ZMYND8: variants seen among roughly 807,000 people sequenced by gnomAD.
ZMYND8 encodes MYND-type zinc finger-containing chromatin reader ZMYND8.
Under a neutral mutation model 140.8 loss-of-function variants are expected in ZMYND8, and 37 were observed. The observed-to-expected ratio is 0.26, with a 90% CI of 0.20 to 0.35. ZMYND8 has a LOEUF of 0.35. Among genes scored for constraint, ZMYND8 ranks in the 10% least tolerant of loss-of-function variants. The probability of loss-of-function intolerance (pLI) is 1.00; values close to 1 mark genes in which losing one functional copy is unlikely to be tolerated. For missense variants in ZMYND8, 1,068 were observed against 1,570.0 expected (o/e 0.68, Z 5.40); for synonymous variants, 592 against 597.1 (o/e 0.99, Z 0.12).
At chr20:47,263,295 A>C (rs943507154) in intron 11 of ZMYND8, among the ~76,000 whole-genome samples, 1 of 152,110 alleles carries the variant, frequency 6.6e-6, no homozygotes, top group African/African-American at 2.4e-5. Flanking sequence ...CAACAATGAC[A>C]GCCAACTCTT....
chr20:47,285,454 T>G (rs1172007674), intron 8 of ZMYND8, among the ~76,000 whole-genome samples: 1 of 152,208 alleles, frequency 6.6e-6, no homozygotes, highest in East Asian at 1.9e-4. Context: ...AAACAGCCTG[T>G]ATGACTTTCT....
chr20:47,218,982 AGAGGCG>A (rs943916669), intron 21 of ZMYND8, among the ~76,000 whole-genome samples: 5 of 151,616 alleles, frequency 3.3e-5, no homozygotes, highest in Non-Finnish European at 7.4e-5. Flanking sequence ...TTCCGGAGGC[AGAGGCG>A]GGAGGATCAC....
intron 2 of ZMYND8, among the ~76,000 whole-genome samples, chr20:47,344,400 T>A (rs910583251): frequency 6.6e-6 from 1 of 152,194 alleles, no homozygotes; most frequent in Non-Finnish European, 1.5e-5. Context: ...AGTCTAATCA[T>A]GAGAAACACA....
At chr20:47,264,275 T>C (rs544217502) in intron 11 of ZMYND8, among the ~76,000 whole-genome samples, 2 of 152,300 alleles carry the variant, frequency 1.3e-5, no homozygotes, top group East Asian at 3.9e-4. Flanking sequence ...GAAATAAGTT[T>C]TCTTTGCTTT....
chr20:47,324,656 C>T (rs11904958), intron 2 of ZMYND8, among the ~76,000 whole-genome samples: 2,378 of 152,292 alleles, frequency 0.016, 69 homozygotes, highest in African/African-American at 0.054. Context: ...ACCTTCTCTC[C>T]TTCATTCACT....
intron 2 of ZMYND8, among the ~76,000 whole-genome samples, chr20:47,347,263 G>A (rs1373380318): frequency 6.6e-6 from 1 of 152,174 alleles, no homozygotes; most frequent in Admixed American, 6.5e-5. Context: ...CTTTCACAAA[G>A]ACCAAATGAA....
At chr20:47,289,978 GCA>G (rs1203965109) in intron 7 of ZMYND8, among the ~76,000 whole-genome samples, 2 of 152,072 alleles carry the variant, frequency 1.3e-5, no homozygotes, top group African/African-American at 4.8e-5. Context: ...ACACTAAAAG[GCA>G]GCAGCACCAT....
chr20:47,302,691 GCA>G (rs150004319), intron 3 of ZMYND8, among the ~76,000 whole-genome samples: 2,266 of 152,260 alleles, frequency 0.015, 69 homozygotes, highest in African/African-American at 0.052. Flanking sequence ...GGGTCTCCCA[GCA>G]CACTCTCTCT....
At chr20:47,249,793 G>A (rs1369017164) in intron 12 of ZMYND8, among the ~76,000 whole-genome samples, 2 of 152,172 alleles carry the variant, frequency 1.3e-5, no homozygotes, top group East Asian at 3.8e-4. Context: ...CTCAATTTCA[G>A]TGAACAAAGC....
intron 21 of ZMYND8, 131 bp downstream of exon 21, chr20:47,220,127 G>C (rs1040600953): frequency 1.3e-4 from 76 of 582,584 alleles, no homozygotes; most frequent in Middle Eastern, 3.1e-4. Flanking sequence ...ACCCACCCCA[G>C]GCACCCCTAA....
In ZMYND8 at chr20:47,344,936, G is replaced by A. The variant is rs543446772; in HGVS notation, c.85+2920C>T. 7.2e-5 allele frequency among the ~76,000 whole-genome samples: 11 copies of A among 152,120 alleles called. No homozygotes were observed. In the East Asian group the frequency reaches 7.7e-4, roughly 11 times the overall value. ...CAGACCAGCCTGGGCAACCCACTGCGACCTCATCCCTACAAAAAAAAAATT... is the reference window on the plus strand; with the variant it reads ...CAGACCAGCCTGGGCAACCCACTGCAACCTCATCCCTACAAAAAAAAAATT... On this transcript the variant is annotated intron_variant, in intron 2 of 22. Transcript: ENST00000471951.
At chr20:47,318,828 G>A in intron 2 of ZMYND8, 1 of 682,844 alleles carries the variant, frequency 1.5e-6, no homozygotes, top group Non-Finnish European at 2.3e-6. Flanking sequence ...GGCTGGAATG[G>A]AAATGAGGCT....
intron 1 of ZMYND8, 199 bp from the exon 2 acceptor site, chr20:47,348,125 C>CT (rs367646500): frequency 0.029 from 13,051 of 456,920 alleles, 6 homozygotes; most frequent in South Asian, 0.035. Flanking sequence ...CTAGGTTGTT[C>CT]TTTTTTTTTT....
At chr20:47,220,076 C>A (rs555911654) in intron 21 of ZMYND8, among the ~76,000 whole-genome samples, 182 bp downstream of exon 21, 1 of 152,234 alleles carries the variant, frequency 6.6e-6, no homozygotes, top group East Asian at 1.9e-4. Context: ...TGAAGAGGTA[C>A]CTGAAAGTTA....
intron 5 of ZMYND8, among the ~76,000 whole-genome samples, 194 bp downstream of exon 5, chr20:47,294,472 C>T (rs1601673633): frequency 6.6e-6 from 1 of 152,148 alleles, no homozygotes; most frequent in African/African-American, 2.4e-5. Flanking sequence ...TCCTCTGGGA[C>T]ATACAGTGCT....
At chr20:47,355,321 A>C (rs1162512969) in intron 1 of ZMYND8, 2 of 384,336 alleles carry the variant, frequency 5.2e-6, no homozygotes, top group East Asian at 3.3e-4. Flanking sequence ...CTCTTTAAAA[A>C]GCCCTTATTT....
intron 14 of ZMYND8, 64 bp from the exon 15 acceptor site, chr20:47,239,202 C>T: frequency 6.8e-7 from 1 of 1,461,658 alleles, no homozygotes; most frequent in Non-Finnish European, 9.0e-7. Context: ...CCTGCACGGT[C>T]TTGACGCCAC....
At chr20:47,213,802 G>A (rs115306615) in intron 21 of ZMYND8, among the ~76,000 whole-genome samples, 1,823 of 152,262 alleles carry the variant, frequency 0.012, 42 homozygotes, top group African/African-American at 0.042. Context: ...TTTAAAGCTC[G>A]AAGTCAACAA....
intron 2 of ZMYND8, among the ~76,000 whole-genome samples, chr20:47,342,178 G>C (rs556851201): frequency 1.3e-5 from 2 of 151,280 alleles, no homozygotes. Context: ...TCTCAAAAAC[G>C]AACAAACAAA....
Sources: gnomAD v4.1 joint callset for allele counts (sites outside exome capture counted in the v4.1 genomes callset) on GRCh38, gnomAD v4.1.1 for gene constraint, MANE v1.5 for transcripts, NCBI Gene and HGNC (gene_info 2026-07-23, HGNC 2026-07-21) for gene names.